Variants in SYT16 observed in about 807,000 individuals in gnomAD.
The protein encoded by SYT16 is synaptotagmin 16.
A neutral mutation model predicts 61.4 loss-of-function variants in SYT16; 42 were observed. The ratio of observed to expected loss-of-function variants is 0.68; its 90% CI spans 0.53 to 0.89. SYT16 has a LOEUF of 0.89. SYT16 is among the 40% of genes least tolerant of loss of function. The pLI, the probability that SYT16 is intolerant of heterozygous loss-of-function variation, is 0.00. For synonymous variants in SYT16, 314 were observed against 302.3 expected (o/e 1.04, Z -0.40); for missense variants, 804 against 807.3 (o/e 1.00, Z 0.05).
chr14:61,954,573 C>T (rs769694977), intron 1 of SYT16, among the ~76,000 whole-genome samples: 29 of 152,110 alleles, frequency 1.9e-4, no homozygotes, highest in Non-Finnish European at 3.8e-4. Context: ...AATAATTAGA[C>T]GAGTTACTCT....
At chr14:61,946,392 G>C (rs143342270) in intron 1 of SYT16, among the ~76,000 whole-genome samples, 8 of 152,238 alleles carry the variant, frequency 5.3e-5, no homozygotes, top group African/African-American at 1.7e-4. Flanking sequence ...TGGAATAATA[G>C]ATGTTGGAGA....
chr14:62,096,902 A>G (rs1003019971), intron 7 of SYT16, among the ~76,000 whole-genome samples: 4 of 152,170 alleles, frequency 2.6e-5, no homozygotes, highest in Non-Finnish European at 5.9e-5. Flanking sequence ...TTATTTTCAT[A>G]TATGTTTAAA....
intron 1 of SYT16, among the ~76,000 whole-genome samples, chr14:61,823,574 C>T (rs370988600): frequency 1.4e-5 from 1 of 71,046 alleles, no homozygotes; most frequent in African/African-American, 5.5e-5. Context: ...ACTAAAAATA[C>T]AAAAAAAAAA....
chr14:61,907,665 G>A (rs1250113571), intron 1 of SYT16, among the ~76,000 whole-genome samples: 1 of 152,210 alleles, frequency 6.6e-6, no homozygotes, highest in Non-Finnish European at 1.5e-5. Context: ...AGAAGAGAGA[G>A]TAGGGCAGAA....
chr14:61,901,334 C>T (rs1489499747), intron 1 of SYT16, among the ~76,000 whole-genome samples: 1 of 152,196 alleles, frequency 6.6e-6, no homozygotes, highest in Non-Finnish European at 1.5e-5. Flanking sequence ...TGTGCCAGGC[C>T]TTTCCTAATT....
intron 1 of SYT16, among the ~76,000 whole-genome samples, chr14:61,820,469 G>GT (rs71117856): frequency 0.47 from 28,609 of 60,822 alleles, 12,058 homozygotes; most frequent in Non-Finnish European, 0.52. Context: ...CCTCTTCAGA[G>GT]TTTTTTTTTT....
At chr14:61,858,147 A>AG (rs1428196166) in intron 1 of SYT16, among the ~76,000 whole-genome samples, 2 of 149,074 alleles carry the variant, frequency 1.3e-5, no homozygotes, top group East Asian at 1.9e-4. Context: ...AAAAAAAGAA[A>AG]GAAAAAAAGA....
At chr14:61,848,393 C>G (rs1281238219) in intron 1 of SYT16, among the ~76,000 whole-genome samples, 1 of 152,108 alleles carries the variant, frequency 6.6e-6, no homozygotes, top group Middle Eastern at 3.4e-3. Context: ...GACTCTTGCT[C>G]TCTTTCCTTA....
rs149680627 is a variant in SYT16 at position 61,870,328 on chromosome 14, T to C, written c.-325+57518T>C. The stretch of plus-strand genomic sequence containing the variant: ...CTTGCATTGTTTCTGATGAGAAATA[T>C]ATTGTCATTCTCATTGCTGTTCCTT... On this transcript the variant is annotated intron_variant, in intron 1 of 7. Coordinates refer to ENST00000683842, the MANE Select transcript of SYT16 (RefSeq NM_001367656.1). 3.9e-3 allele frequency among the ~76,000 whole-genome samples: 598 copies of C among 152,312 alleles called. 2 individuals are homozygous for C. Among genetic ancestry groups the C allele is most frequent in the African/African-American group, 0.014 (569 of 41,572 alleles).
At chr14:62,052,566 A>G (rs147244622) in intron 3 of SYT16, among the ~76,000 whole-genome samples, 1,696 of 152,200 alleles carry the variant, frequency 0.011, 68 homozygotes, top group Admixed American at 0.078. Context: ...CCTCTAATGT[A>G]TTATCTTCTG....
intron 1 of SYT16, among the ~76,000 whole-genome samples, chr14:61,952,402 A>G (rs1372254298): frequency 2.6e-5 from 4 of 152,240 alleles, no homozygotes; most frequent in Admixed American, 6.5e-5. Flanking sequence ...GATTCACTCC[A>G]TGGACTATTG....
At chr14:61,991,848 G>T (rs979318687) in intron 2 of SYT16, among the ~76,000 whole-genome samples, 4 of 152,146 alleles carry the variant, frequency 2.6e-5, no homozygotes, top group Non-Finnish European at 5.9e-5. Context: ...AGCAGAAAGG[G>T]TGTTAAAAGT....
chr14:61,820,823 C>G (rs149611019), intron 1 of SYT16, among the ~76,000 whole-genome samples: 149 of 152,170 alleles, frequency 9.8e-4, no homozygotes, highest in South Asian at 2.7e-3. Context: ...TCTGGCTGTT[C>G]CATTATTGAG....
chr14:61,897,245 C>T (rs564712673), intron 1 of SYT16: 11 of 152,316 alleles, frequency 7.2e-5, no homozygotes, highest in African/African-American at 2.4e-4. Context: ...CTGTTTGACC[C>T]TTTCCAGAAA....
intron 3 of SYT16, among the ~76,000 whole-genome samples, chr14:62,063,491 TAG>T (rs1162013128): frequency 6.6e-6 from 1 of 152,224 alleles, no homozygotes; most frequent in Non-Finnish European, 1.5e-5. Flanking sequence ...CACTGAAGTT[TAG>T]AGAGATTAAA....
At chr14:61,875,665 G>T (rs35279121) in intron 1 of SYT16, among the ~76,000 whole-genome samples, 1 of 152,178 alleles carries the variant, frequency 6.6e-6, no homozygotes, top group Non-Finnish European at 1.5e-5. Flanking sequence ...TCAGCCTGTA[G>T]AGCTGGGTTG....
At chr14:61,924,998 G>T (rs1407573500) in intron 1 of SYT16, among the ~76,000 whole-genome samples, 2 of 152,154 alleles carry the variant, frequency 1.3e-5, no homozygotes, top group South Asian at 4.1e-4. Flanking sequence ...CCTATAAAAC[G>T]TACACTTGCA....
chr14:61,870,979 G>A (rs1303063620), intron 1 of SYT16, among the ~76,000 whole-genome samples: 2 of 152,028 alleles, frequency 1.3e-5, no homozygotes, highest in African/African-American at 4.8e-5. Context: ...ATTTTTGGTT[G>A]GATGTTAGAT....
intron 7 of SYT16, among the ~76,000 whole-genome samples, chr14:62,093,076 T>G (rs889936669): frequency 1.3e-5 from 2 of 152,066 alleles, no homozygotes; most frequent in Admixed American, 6.5e-5. Context: ...GCAGGGAGTT[T>G]ATGGGAAATC....
Sources: allele counts gnomAD v4.1 joint callset (sites outside exome capture counted in the v4.1 genomes callset), GRCh38; gene constraint gnomAD v4.1.1; transcripts MANE v1.5; gene names NCBI Gene and HGNC (gene_info 2026-07-23, HGNC 2026-07-21).